Variants in NT5DC4 observed in about 807,000 individuals in gnomAD.
NT5DC4 encodes 5'-nucleotidase domain containing 4.
Under a neutral mutation model 26.6 loss-of-function variants are expected in NT5DC4, and 44 were observed. The ratio of observed to expected loss-of-function variants is 1.65; its 90% confidence interval spans 1.30 to 2.13. The LOEUF is 2.13. Ranked by LOEUF, NT5DC4 falls within the 30% of genes most tolerant of loss-of-function variation. The pLI is 0.00. For synonymous variants in NT5DC4, 157 were observed against 86.7 expected (o/e 1.81, Z -4.51); for missense variants, 399 against 228.1 (o/e 1.75, Z -4.83).
At chr2:112,740,213 CAG>C (rs1679816377), downstream of NT5DC4, among the ~76,000 whole-genome samples, 3 of 152,040 alleles carry the variant, frequency 2.0e-5, no homozygotes, top group South Asian at 6.2e-4. Flanking sequence ...TGGTGTGTGT[CAG>C]AGAGTTTAGG....
chr2:112,730,310 CA>C (rs11375761), intron 16 of NT5DC4, among the ~76,000 whole-genome samples: 7 of 76,172 alleles, frequency 9.2e-5, no homozygotes, highest in Non-Finnish European at 1.2e-4. Context: ...AAGACTGTCT[CA>C]AAAAAAAAAA....
intron 14 of NT5DC4, 126 bp downstream of exon 14, chr2:112,726,415 C>A: frequency 1.5e-6 from 1 of 679,084 alleles, no homozygotes; most frequent in South Asian, 1.6e-5. Context: ...CTGTTTCAGG[C>A]TGGGCTTCCC....
downstream of NT5DC4, chr2:112,742,464 T>C (rs1214452877): frequency 5.6e-6 from 4 of 717,838 alleles, no homozygotes; most frequent in Non-Finnish European, 1.0e-5. Context: ...TCCAAGGAAG[T>C]GGGACACTCC....
rs1337562454 is a variant in NT5DC4, at chr2:112,726,746, C to G, written c.1266+8C>G. 4.2e-6 allele frequency: 3 copies of G among 717,364 alleles called. No individual in the cohort carries two copies. Among genetic ancestry groups the G allele is most frequent in the African/African-American group, 1.7e-5 (1 of 57,272 alleles). 44.4% of individuals were successfully genotyped at this position (717,364 alleles called of 1,614,324 possible). The stretch of plus-strand genomic sequence containing the variant: ...ACCAAGAGAGAGATCCAGGTGGGAG[C>G]TGGGTGGCGAGGGAAGGGACAGGCC... On this transcript the variant is annotated splice_region_variant and intron_variant, in intron 15 of 16. Coordinates refer to ENST00000688554, the MANE Select transcript of NT5DC4 (RefSeq NM_001393655.1).
At chr2:112,735,219 T>G (rs1397189079) in intron 16 of NT5DC4, among the ~76,000 whole-genome samples, 1 of 151,734 alleles carries the variant, frequency 6.6e-6, no homozygotes, top group African/African-American at 2.4e-5. Context: ...AACGCCTGTA[T>G]TTTTAGTAGA....
chr2:112,737,731 T>C (rs1402939304), intron 16 of NT5DC4: 1 of 152,194 alleles, frequency 6.6e-6, no homozygotes, highest in Non-Finnish European at 1.5e-5. Flanking sequence ...GATAGACCTT[T>C]GATCAAAGTC....
chr2:112,726,971 T>C (rs866615471), intron 15 of NT5DC4: 5 of 572,500 alleles, frequency 8.7e-6, no homozygotes, highest in Middle Eastern at 4.7e-4. Flanking sequence ...TTGCAGGCTT[T>C]GCCTCCAGTC....
At chr2:112,741,051 A>G, downstream of NT5DC4, 1 of 1,318,770 alleles carries the variant, frequency 7.6e-7, no homozygotes, top group Non-Finnish European at 1.1e-6. Context: ...TTACCAATTT[A>G]ATACTTCAAC....
rs540299496 is a variant in NT5DC4, at chr2:112,725,636, G to T, written c.1153+84G>T. ...AGCACTGCCTTCTCCTTTTTCCCGTGGGGGGTTAGTAGTTGTGACCAGGAA... is the reference window on the plus strand; with the variant it reads ...AGCACTGCCTTCTCCTTTTTCCCGTTGGGGGTTAGTAGTTGTGACCAGGAA... On this transcript the variant is annotated intron_variant, in intron 13 of 16. Coordinates refer to ENST00000688554, the MANE Select transcript of NT5DC4 (RefSeq NM_001393655.1). 28 of 588,220 alleles carry T rather than the reference G, an allele frequency of 4.8e-5. No homozygotes were observed. The South Asian group carries it at 5.6e-4, about 12-fold the overall frequency. The allele number at this position is 588,220 out of a possible 1,614,324, so 36.4% of individuals were successfully genotyped here.
chr2:112,742,697 T>A (rs1397550187), downstream of NT5DC4: 2 of 1,556,582 alleles, frequency 1.3e-6, no homozygotes, highest in Admixed American at 1.8e-5. Context: ...AATTCAAAAA[T>A]AATAGTACCT....
chr2:112,730,512 T>C (rs1040294776), intron 16 of NT5DC4, among the ~76,000 whole-genome samples: 3 of 152,040 alleles, frequency 2.0e-5, no homozygotes, highest in Non-Finnish European at 4.4e-5. Context: ...TTGTTAACAT[T>C]AATGACTAGT....
intron 11 of NT5DC4, 127 bp from the exon 12 acceptor site, chr2:112,725,047 T>G (rs1484478050): frequency 3.1e-6 from 2 of 650,320 alleles, no homozygotes; most frequent in Non-Finnish European, 5.7e-6. Context: ...TTCAGCGCCC[T>G]CTGCTGCCTC....
Position 112,721,886 on chromosome 2 carries a change from T to C in NT5DC4, c.143T>C (p.Leu48Pro), listed in dbSNP as rs762962956. The C allele has an allele frequency of 2.8e-6, 2 of 717,364 alleles. No individual in the cohort carries two copies. The highest frequency in any genetic ancestry group is 5.2e-6 in the Non-Finnish European group (2 of 385,074). The allele number at this position is 717,364 out of a possible 1,614,324, so 44.4% of individuals were successfully genotyped here. A position where few individuals can be genotyped will look rare whatever the true frequency, so the allele number is the denominator to read the frequency against. ...RCFGFDMDYT[L>P]AAYKSPAYEA... Reference sequence around the variant, plus strand: ...TTTGGCTTCGACATGGACTACACTCTGGCTGGTAGAGAGGGCTGGAACACA... The same window carrying C: ...TTTGGCTTCGACATGGACTACACTCCGGCTGGTAGAGAGGGCTGGAACACA... Residue 48 changes from leucine to proline, a missense_variant, in exon 2 of 17, where the codon CTG becomes CCG. Leu to Pro is a moderately conservative substitution (Grantham distance 98, BLOSUM62 -3). Coordinates refer to ENST00000688554, the MANE Select transcript of NT5DC4 (RefSeq NM_001393655.1).
chr2:112,738,404 C>T, intron 16 of NT5DC4: 1 of 174,852 alleles, frequency 5.7e-6, no homozygotes, highest in Non-Finnish European at 1.2e-5. Flanking sequence ...GTCCATTCAG[C>T]CTGTCAAGCT....
At chr2:112,719,479 G>GTTTTT, upstream of NT5DC4, among the ~76,000 whole-genome samples, 1 of 95,002 alleles carries the variant, frequency 1.1e-5, no homozygotes, top group Non-Finnish European at 2.3e-5. Flanking sequence ...AAACTTGTCT[G>GTTTTT]TCTTTTTTTT....
At chr2:112,721,561 C>T (rs909494423) in intron 1 of NT5DC4, 22 of 717,658 alleles carry the variant, frequency 3.1e-5, no homozygotes, top group Non-Finnish European at 5.7e-5. Context: ...GGACAGCAAG[C>T]GGCTGATTGC....
Position 112,724,924 on chromosome 2 carries a change from C to T in NT5DC4, c.915+18C>T. Reference sequence around the variant, plus strand: ...GTGCAGAGGTCAGTCCACCTGCACCCATGGACCACGGTTGGGGAGGGCAGC... The same window carrying T: ...GTGCAGAGGTCAGTCCACCTGCACCTATGGACCACGGTTGGGGAGGGCAGC... On this transcript the variant is annotated intron_variant, in intron 11 of 16. Transcript: ENST00000688554. The T allele has an allele frequency of 1.4e-6, 1 of 716,188 alleles. No homozygotes were observed. Among genetic ancestry groups the T allele is most frequent in the East Asian group, 2.7e-5 (1 of 37,278 alleles). 44.4% of individuals were successfully genotyped at this position (716,188 alleles called of 1,614,324 possible).
Position 112,735,768 on chromosome 2 carries a change from A to G in NT5DC4, c.1345-3145A>G, listed in dbSNP as rs186983309. Among the ~76,000 whole-genome samples the G allele has an allele frequency of 2.2e-3, 328 of 152,310 alleles. 3 individuals are homozygous for G. The highest frequency in any genetic ancestry group is 0.021 in the South Asian group (101 of 4,826). On this transcript the variant is annotated intron_variant, in intron 16 of 16. Transcript: ENST00000688554. The stretch of plus-strand genomic sequence containing the variant: ...GTTTTCTGCAGCTGCAGTACCATCC[A>G]CAATCATTTCCACAACCTTTTGTGT...
rs1457828451 is a variant in NT5DC4 at position 112,725,363 on chromosome 2, C to T, written c.983-19C>T. ...GCAGGAAGGGCAAACGAGTGTCTGT[C>T]CTCCCCTTGGTGGGGCAGGCTCTTC... On this transcript the variant is annotated intron_variant, in intron 12 of 16. Transcript: ENST00000688554. 2.9e-6 allele frequency: 2 copies of T among 695,288 alleles called. No individual in the cohort carries two copies. The highest frequency in any genetic ancestry group is 1.8e-5 in the African/African-American group (1 of 57,046). The allele number at this position is 695,288 out of a possible 1,614,324, so 43.1% of individuals were successfully genotyped here.
Sources: gnomAD v4.1 joint callset for allele counts (sites outside exome capture counted in the v4.1 genomes callset) on GRCh38, gnomAD v4.1.1 for gene constraint, MANE v1.5 for transcripts, NCBI Gene and HGNC (gene_info 2026-07-23, HGNC 2026-07-21) for gene names.